The following PCDHGA3 variants were observed in gnomAD, a reference collection of about 807,000 sequenced individuals.
PCDHGA3 encodes the protein protocadherin gamma subfamily A, 3.
In PCDHGA3, 40 loss-of-function variants were observed where a neutral mutation model predicts 58.5. That is an observed-to-expected ratio of 0.68 (90% CI 0.53 to 0.89). PCDHGA3 has a LOEUF of 0.89. PCDHGA3 is among the 40% of genes least tolerant of loss of function. PCDHGA3 has a pLI of 0.00. For missense variants in PCDHGA3, 1,223 were observed against 1,195.9 expected (o/e 1.02, Z -0.33); for synonymous variants, 530 against 525.7 (o/e 1.01, Z -0.11).
intron 1 of PCDHGA3, chr5:141,395,398 T>C (rs976008795): frequency 1.2e-6 from 1 of 863,780 alleles, no homozygotes; most frequent in East Asian, 2.8e-5. Context: ...TGAACTCTAA[T>C]AGTCATAGGT....
intron 1 of PCDHGA3, chr5:141,362,057 G>T: frequency 6.2e-7 from 1 of 1,611,706 alleles, no homozygotes; most frequent in Non-Finnish European, 8.5e-7. Flanking sequence ...GCCCGCCAGC[G>T]CCTGCTGGTC....
chr5:141,467,233 A>G (rs1009794220), intron 1 of PCDHGA3, among the ~76,000 whole-genome samples: 1 of 151,564 alleles, frequency 6.6e-6, no homozygotes, highest in South Asian at 2.1e-4. Flanking sequence ...TTGTATTTTT[A>G]GTAGAGATGG....
rs1460703461 is a variant in PCDHGA3 at position 141,490,596 on chromosome 5, C to G, written c.2425-4211C>G. 2.5e-6 allele frequency: 4 copies of G among 1,614,052 alleles called. No homozygotes were observed. The African/African-American group carries it at 4.0e-5, about 16-fold the overall frequency. On this transcript the variant is annotated intron_variant, in intron 1 of 3. Transcript: ENST00000253812. The surrounding 1 kb of genome is among the most constrained non-coding windows in gnomAD (Gnocchi z 5.4). Reference sequence around the variant, plus strand: ...TTTCAGATGTCAATGACAATGCACCCCGCTTCAACCAGCAGCTTTACACTG... The same window carrying G: ...TTTCAGATGTCAATGACAATGCACCGCGCTTCAACCAGCAGCTTTACACTG...
In PCDHGA3 at chr5:141,360,411, A is replaced by G. The variant is rs528127616; in HGVS notation, c.2424+13954A>G. The G allele has an allele frequency of 1.4e-4, 229 of 1,614,036 alleles. 5 individuals carry two copies. In the South Asian group the frequency reaches 2.4e-3, roughly 17 times the overall value. The stretch of plus-strand genomic sequence containing the variant: ...TACTTGTGAGTGACAGAATAGACCG[A>G]GAACAGATATGCGGGAAGCAGCCTC... On this transcript the variant is annotated intron_variant, in intron 1 of 3. Coordinates refer to ENST00000253812, the MANE Select transcript of PCDHGA3 (RefSeq NM_018916.4).
chr5:141,393,472 C>T lies in PCDHGA3; in HGVS notation c.2424+47015C>T, dbSNP rs575533120. On this transcript the variant is annotated intron_variant, in intron 1 of 3. Coordinates refer to ENST00000253812, the MANE Select transcript of PCDHGA3 (RefSeq NM_018916.4). ...CTCACGGCCTCGGATGGCGGCAAGC[C>T]GCCTCGCTCTAGCACAGTGCGCATC... 3.5e-5 allele frequency: 57 copies of T among 1,614,022 alleles called. 2 individuals carry two copies. The South Asian group carries it at 4.2e-4, about 12-fold the overall frequency.
intron 1 of PCDHGA3, chr5:141,375,029 G>T (rs1265395615): frequency 6.2e-7 from 1 of 1,614,032 alleles, no homozygotes; most frequent in Admixed American, 1.7e-5. Context: ...GAGTTTTTAT[G>T]AGCTGGGTGT....
At chr5:141,418,392 T>C (rs753094664) in intron 1 of PCDHGA3, 1 of 1,613,996 alleles carries the variant, frequency 6.2e-7, no homozygotes, top group Non-Finnish European at 8.5e-7. Context: ...AACGAGTATT[T>C]CTCATTGGTG....
At chr5:141,446,985 C>T (rs1411339328) in intron 1 of PCDHGA3, among the ~76,000 whole-genome samples, 1 of 152,064 alleles carries the variant, frequency 6.6e-6, no homozygotes, top group Non-Finnish European at 1.5e-5. Context: ...AATTCATACT[C>T]CACTCTTCAG....
Position 141,431,520 on chromosome 5 carries a change from A to T in PCDHGA3, c.2425-63287A>T. ...GAGTACCGCGCGAGCGTTCCGGAGA[A>T]TCTGGCCTTGGGCACGCAGCTGCTT... On this transcript the variant is annotated intron_variant, in intron 1 of 3. Transcript: ENST00000253812. The surrounding 1 kb of genome is among the most constrained non-coding windows in gnomAD (Gnocchi z 4.8). 6.2e-7 allele frequency: 1 copy of T among 1,614,068 alleles called. No homozygotes were observed. Among genetic ancestry groups the T allele is most frequent in the Non-Finnish European group, 8.5e-7 (1 of 1,180,020 alleles).
intron 1 of PCDHGA3, chr5:141,384,825 CG>C (rs1780562640): frequency 1.2e-6 from 2 of 1,613,472 alleles, no homozygotes; most frequent in Non-Finnish European, 1.7e-6. Context: ...AGCAGAGCCT[CG>C]TGGTGGCCGT....
At chr5:141,410,698 C>G in intron 1 of PCDHGA3, 1 of 1,482,836 alleles carries the variant, frequency 6.7e-7, no homozygotes, top group Non-Finnish European at 9.0e-7. Context: ...ACTTTATTTT[C>G]ATATCTAGAA....
At chr5:141,419,826 C>T in intron 1 of PCDHGA3, 1 of 1,614,066 alleles carries the variant, frequency 6.2e-7, no homozygotes, top group Non-Finnish European at 8.5e-7. Flanking sequence ...CCCCTTTCAG[C>T]CACTGCCACG....
rs147403131 is a variant in PCDHGA3, at chr5:141,368,659, C to A, written c.2424+22202C>A. 4.1e-3 allele frequency among the ~76,000 whole-genome samples: 617 copies of A among 152,246 alleles called. 6 individuals are homozygous for A. The highest frequency in any genetic ancestry group is 0.011 in the Admixed American group (171 of 15,302). On this transcript the variant is annotated intron_variant, in intron 1 of 3. Coordinates refer to ENST00000253812, the MANE Select transcript of PCDHGA3 (RefSeq NM_018916.4). ...AATGTTTTGTGCAATGGAAAAATATCTTTAAACCCTCTATAAACTACTAAC... is the reference window on the plus strand; with the variant it reads ...AATGTTTTGTGCAATGGAAAAATATATTTAAACCCTCTATAAACTACTAAC...
chr5:141,487,041 G>C lies in PCDHGA3; in HGVS notation c.2425-7766G>C, dbSNP rs149314216. On this transcript the variant is annotated intron_variant, in intron 1 of 3. Coordinates refer to ENST00000253812, the MANE Select transcript of PCDHGA3 (RefSeq NM_018916.4). The surrounding 1 kb of genome is among the most constrained non-coding windows in gnomAD (Gnocchi z 5.0). ...GATCCCAGCCTGTTTGCAGTCTCTC[G>C]ATATGCTGGGGAGGTGCGGACGGCT... 2.5e-6 allele frequency: 4 copies of C among 1,614,018 alleles called. No homozygotes were observed. Among genetic ancestry groups the C allele is most frequent in the South Asian group, 2.2e-5 (2 of 91,084 alleles).
In PCDHGA3 at chr5:141,420,274, GGTAA is replaced by G. The variant is rs1362175190; in HGVS notation, c.2424+73821_2424+73824del. 5.9e-6 allele frequency: 9 copies of G among 1,525,426 alleles called. 1 individual carries two copies. The highest frequency in any genetic ancestry group is 2.1e-5 in the Admixed American group (1 of 48,284). 94.5% of individuals were successfully genotyped at this position (1,525,426 alleles called of 1,614,324 possible). On this transcript the variant is annotated intron_variant, in intron 1 of 3. Coordinates refer to ENST00000253812, the MANE Select transcript of PCDHGA3 (RefSeq NM_018916.4). ...AAGCAGATAAGAAGATTCTTAAACAGGTAAGTATTTAAAAATGTATTTAATCCTT... is the reference window on the plus strand; with the variant it reads ...AAGCAGATAAGAAGATTCTTAAACAGGTATTTAAAAATGTATTTAATCCTT...
chr5:141,488,807 C>G (rs2099679535), intron 1 of PCDHGA3, among the ~76,000 whole-genome samples: 1 of 152,170 alleles, frequency 6.6e-6, no homozygotes, highest in Non-Finnish European at 1.5e-5. Flanking sequence ...TGAGTACCAT[C>G]TGAGCTGTCA....
intron 1 of PCDHGA3, chr5:141,371,296 T>A: frequency 6.2e-7 from 1 of 1,614,000 alleles, no homozygotes; most frequent in Non-Finnish European, 8.5e-7. Flanking sequence ...ACGGGGGAAC[T>A]CACCACTATT....
chr5:141,359,980 TAGAG>T (rs1761379708), intron 1 of PCDHGA3: 2 of 851,316 alleles, frequency 2.3e-6, no homozygotes, highest in African/African-American at 3.4e-5. Context: ...GGGAGCCTCT[TAGAG>T]GGGAACTTCC....
chr5:141,490,517 C>T lies in PCDHGA3; in HGVS notation c.2425-4290C>T. 6.2e-7 allele frequency: 1 copy of T among 1,613,972 alleles called. No homozygotes were observed. The highest frequency in any genetic ancestry group is 2.2e-5 in the East Asian group (1 of 44,854). ...TCCCACTATATCATCGAGCTGCTGG[C>T]CAGCGATGCTGGTTCACCTTCCCTA... On this transcript the variant is annotated intron_variant, in intron 1 of 3. Coordinates refer to ENST00000253812, the MANE Select transcript of PCDHGA3 (RefSeq NM_018916.4). The surrounding 1 kb of genome is among the most constrained non-coding windows in gnomAD (Gnocchi z 5.4).
Sources: allele counts gnomAD v4.1 joint callset (sites outside exome capture counted in the v4.1 genomes callset), GRCh38; gene constraint gnomAD v4.1.1; non-coding constraint Gnocchi (gnomAD v3.1); transcripts MANE v1.5; gene names NCBI Gene and HGNC (gene_info 2026-07-23, HGNC 2026-07-21).